Variants in RTTN observed in about 807,000 individuals in gnomAD.
RTTN encodes the protein rotatin.
RTTN carries 182 observed loss-of-function variants against 269.2 expected under a neutral mutation model. The observed-to-expected ratio is 0.68, with a 90% confidence interval of 0.60 to 0.76. The LOEUF (loss-of-function observed/expected upper bound fraction) is 0.76, where lower values mean the gene tolerates loss of function less well. Ranked by LOEUF, RTTN falls within the 30% of genes least tolerant of loss-of-function variation. The probability of loss-of-function intolerance (pLI) is 0.00; values close to 1 mark genes in which losing one functional copy is unlikely to be tolerated. For synonymous variants in RTTN, 1,006 were observed against 963.5 expected (o/e 1.04, Z -0.82); for missense variants, 2,545 against 2,608.6 (o/e 0.98, Z 0.53).
At position 70,080,940 on chromosome 18, in the gene RTTN, A is replaced by T. The variant is rs867962730; in HGVS notation, c.4375-5399T>A. Among the ~76,000 whole-genome samples, 636 of 121,932 alleles carry T rather than the reference A, an allele frequency of 5.2e-3. 6 individuals carry two copies. The highest frequency in any genetic ancestry group is 0.026 in the East Asian group (118 of 4,466). 80.0% of individuals were successfully genotyped at this position (121,932 alleles called of 152,430 possible). A position where few individuals can be genotyped will look rare whatever the true frequency, so the allele number is the denominator to read the frequency against. ...GGTGTGTGTGGTATCACACACACAC[A>T]CACACACACACACACACACACACAC... is the stretch of plus-strand genomic sequence containing the variant. On this transcript the variant is annotated intron_variant, in intron 32 of 48. Transcript: ENST00000640769.
chr18:70,156,706 T>G (rs2060687425), intron 14 of RTTN, among the ~76,000 whole-genome samples: 1 of 152,196 alleles, frequency 6.6e-6, no homozygotes, highest in African/African-American at 2.4e-5. Flanking sequence ...CCCTCTTTTG[T>G]ACTCTGTCCC....
At chr18:70,119,120 T>G (rs1210746554) in intron 26 of RTTN, among the ~76,000 whole-genome samples, 1 of 151,944 alleles carries the variant, frequency 6.6e-6, no homozygotes, top group South Asian at 2.1e-4. Flanking sequence ...GGCATCCACA[T>G]TAGAAAAAAG....
intron 43 of RTTN, among the ~76,000 whole-genome samples, chr18:70,027,273 C>A (rs924726779): frequency 1.3e-5 from 2 of 152,138 alleles, no homozygotes; most frequent in Non-Finnish European, 2.9e-5. Flanking sequence ...GGTGAATTAC[C>A]CAATAGTGGC....
intron 32 of RTTN, among the ~76,000 whole-genome samples, chr18:70,083,495 T>C (rs890241755): frequency 6.6e-6 from 1 of 152,004 alleles, no homozygotes; most frequent in Admixed American, 6.6e-5. Flanking sequence ...TTAAGTTAAA[T>C]GGTAAGAAAT....
chr18:70,074,182 A>C lies in RTTN; in HGVS notation c.4565-188T>G, dbSNP rs1168254443. Among the ~76,000 whole-genome samples, 5 of 151,852 alleles carry C rather than the reference A, an allele frequency of 3.3e-5. No homozygotes were observed. In the East Asian group the frequency reaches 9.7e-4, roughly 29 times the overall value. On this transcript the variant is annotated intron_variant, in intron 33 of 48. Transcript: ENST00000640769. ...TAAGGAGAGTTTTTTTTTAATGTGC[A>C]TAAGAATCACTGAGAGCTTGCTAAA...
At chr18:70,062,662 C>A (rs1428565618) in intron 35 of RTTN, among the ~76,000 whole-genome samples, 3 of 139,444 alleles carry the variant, frequency 2.2e-5, no homozygotes, top group African/African-American at 8.2e-5. Flanking sequence ...GTTGCCCAGG[C>A]TGGAGTCTGG....
chr18:70,148,319 G>A (rs1238361726), intron 17 of RTTN, among the ~76,000 whole-genome samples: 4 of 152,050 alleles, frequency 2.6e-5, no homozygotes, highest in Non-Finnish European at 5.9e-5. Context: ...AAAGATTCAT[G>A]TTGCAATGAC....
At chr18:70,188,086 CA>C in intron 10 of RTTN, 21 bp downstream of exon 10, 1 of 1,375,368 alleles carries the variant, frequency 7.3e-7, no homozygotes, top group Non-Finnish European at 1.0e-6. Context: ...CCCTATATCC[CA>C]AAGAAAACAT....
intron 36 of RTTN, among the ~76,000 whole-genome samples, chr18:70,059,277 C>T (rs889194282): frequency 4.6e-5 from 7 of 152,172 alleles, no homozygotes; most frequent in South Asian, 2.1e-4. Context: ...AATATCTAGT[C>T]CTTTTCTACT....
At position 70,128,767 on chromosome 18, in the gene RTTN, G is replaced by A. The variant is rs2059929032; in HGVS notation, c.2955-221C>T. On this transcript the variant is annotated intron_variant, in intron 23 of 48. Transcript: ENST00000640769. Reference sequence around the variant, plus strand: ...CAGAACACTTAAATCCTTTCTTGAGGACTTACCACATTCTATGCTATATTA... The same window carrying A: ...CAGAACACTTAAATCCTTTCTTGAGAACTTACCACATTCTATGCTATATTA... 1.8e-5 allele frequency: 8 copies of A among 451,248 alleles called. No individual in the cohort carries two copies. In the South Asian group the frequency reaches 2.5e-4, roughly 14 times the overall value. 28.0% of individuals were successfully genotyped at this position (451,248 alleles called of 1,614,324 possible).
chr18:70,196,056 C>G (rs1402002771), intron 7 of RTTN, among the ~76,000 whole-genome samples: 1 of 152,208 alleles, frequency 6.6e-6, no homozygotes, highest in Non-Finnish European at 1.5e-5. Flanking sequence ...TCTGAAGTCT[C>G]ACATTGCTGC....
chr18:70,144,407 T>C (rs1341314896), intron 18 of RTTN, among the ~76,000 whole-genome samples: 1 of 152,156 alleles, frequency 6.6e-6, no homozygotes, highest in East Asian at 1.9e-4. Flanking sequence ...GGACTTGCTG[T>C]CCAGCACCCC....
chr18:70,028,856 T>C (rs1176015050), intron 42 of RTTN, 55 bp from the exon 43 acceptor site: 6 of 1,218,166 alleles, frequency 4.9e-6, no homozygotes, highest in African/African-American at 1.5e-5. Context: ...ACTTCACTTT[T>C]TGTGTATAGT....
intron 37 of RTTN, among the ~76,000 whole-genome samples, chr18:70,054,654 G>C (rs192270859): frequency 6.6e-6 from 1 of 152,134 alleles, no homozygotes. Context: ...GCAATACGGT[G>C]AGATCCTGTT....
At chr18:70,124,723 T>C (rs1015393832) in intron 25 of RTTN, among the ~76,000 whole-genome samples, 13 of 152,082 alleles carry the variant, frequency 8.5e-5, no homozygotes, top group African/African-American at 2.9e-4. Flanking sequence ...TGGAATTCTA[T>C]TAATATCTAG....
intron 2 of RTTN, 142 bp downstream of exon 2, chr18:70,204,986 C>A (rs2062039838): frequency 4.0e-6 from 3 of 744,222 alleles, no homozygotes; most frequent in Admixed American, 5.3e-5. Flanking sequence ...ACCATATACC[C>A]AGATTAATTA....
intron 8 of RTTN, 101 bp downstream of exon 8, chr18:70,193,176 CAAAAAAAAAAA>C (rs35759421): frequency 5.1e-5 from 34 of 660,856 alleles, no homozygotes; most frequent in Middle Eastern, 3.6e-4. Context: ...GTTAATGTTT[CAAAAAAAAAAA>C]AAAAAAAAAG....
At chr18:70,184,711 TTTTTTTGTGTGTGTGTGTGTGTGTG>T (rs1211387317) in intron 10 of RTTN, among the ~76,000 whole-genome samples, 5 of 62,656 alleles carry the variant, frequency 8.0e-5, no homozygotes, top group African/African-American at 3.3e-4. Context: ...AGGTTTTTTT[TTTTTTTGTGTGTGTGTGTGTGTGTG>T]TGTGTGTGTG....
chr18:70,121,474 C>T, intron 26 of RTTN, 82 bp downstream of exon 26: 1 of 1,196,426 alleles, frequency 8.4e-7, no homozygotes, highest in South Asian at 1.6e-5. Flanking sequence ...TAAAATTATC[C>T]TTTTCCATAA....
Sources: gnomAD v4.1 joint callset for allele counts (sites outside exome capture counted in the v4.1 genomes callset) on GRCh38, gnomAD v4.1.1 for gene constraint, MANE v1.5 for transcripts, NCBI Gene and HGNC (gene_info 2026-07-23, HGNC 2026-07-21) for gene names.